PDE8B: variants seen among roughly 807,000 people sequenced by gnomAD.
PDE8B encodes the protein phosphodiesterase 8B, also known as high affinity cAMP-specific and IBMX-insensitive 3',5'-cyclic phosphodiesterase 8B.
PDE8B carries 26 observed loss-of-function variants against 101.3 expected under a neutral mutation model. The observed-to-expected ratio is 0.26, with a 90% CI of 0.19 to 0.36. PDE8B has a LOEUF of 0.36. PDE8B is among the 10% of genes least tolerant of loss of function. The pLI is 1.00. For missense variants in PDE8B, 810 were observed against 1,163.1 expected, an observed-to-expected ratio of 0.70 and a Z score of 4.42; for synonymous variants, 424 against 429.3, an observed-to-expected ratio of 0.99 and a Z score of 0.15.
rs565062784 is a variant in PDE8B, at chr5:77,427,465, G to A, written c.*911G>A. ...TTTTATTAAAATCCAAATTTTCTGG[G>A]TGTAAGCCCATGCAGTATGTTGTGC... On this transcript the variant is annotated 3_prime_UTR_variant, in exon 22 of 22. Transcript: ENST00000264917. The A allele has an allele frequency of 6.6e-6, 1 of 152,168 alleles. No homozygotes were observed. Among genetic ancestry groups the A allele is most frequent in the South Asian group, 2.1e-4 (1 of 4,814 alleles). 9.4% of individuals were successfully genotyped at this position (152,168 alleles called of 1,614,324 possible). A position where few individuals can be genotyped will look rare whatever the true frequency, so the allele number is the denominator to read the frequency against.
chr5:77,113,469 A>G, the PDE8B span: 1 of 152,254 alleles, frequency 6.6e-6, no homozygotes, highest in Admixed American at 6.5e-5. Flanking sequence ...TTATGTAGAA[A>G]GGTGAAACTG....
At chr5:77,317,602 G>A (rs1345230639) in intron 2 of PDE8B, among the ~76,000 whole-genome samples, 2 of 152,174 alleles carry the variant, frequency 1.3e-5, no homozygotes, top group Non-Finnish European at 2.9e-5. Context: ...TTCCAATCTT[G>A]GCTAGAAAAT....
At chr5:77,259,566 C>T (rs72766932) in intron 1 of PDE8B, among the ~76,000 whole-genome samples, 1,609 of 152,314 alleles carry the variant, frequency 0.011, 14 homozygotes, top group Non-Finnish European at 0.014. Context: ...TGGGTAAGTT[C>T]CCTTGCTACT....
At chr5:77,148,427 ATGTT>A in the PDE8B span, 1 of 152,200 alleles carries the variant, frequency 6.6e-6, no homozygotes, top group Admixed American at 6.5e-5. Flanking sequence ...TGGTAAATGT[ATGTT>A]TAACTTTTAA....
rs748090729 is a variant in PDE8B, at chr5:77,412,245, T to C, written c.1712+10T>C. 1.2e-6 allele frequency: 2 copies of C among 1,613,986 alleles called. No homozygotes were observed. Among genetic ancestry groups the C allele is most frequent in the South Asian group, 1.1e-5 (1 of 91,080 alleles). On this transcript the variant is annotated intron_variant, in intron 16 of 21. Transcript: ENST00000264917. ...CCATTACGCATAAAAGGTATGTGAC[T>C]TCTCTGGCTGAAGGCAGAGCAGGAT...
At chr5:77,333,830 A>C (rs773774555) in intron 5 of PDE8B, among the ~76,000 whole-genome samples, 2 of 152,230 alleles carry the variant, frequency 1.3e-5, no homozygotes, top group African/African-American at 4.8e-5. Context: ...ATTTGCCACT[A>C]TCCAGACATG....
At chr5:77,217,280 C>T (rs1749980648) in intron 1 of PDE8B, among the ~76,000 whole-genome samples, 1 of 151,860 alleles carries the variant, frequency 6.6e-6, no homozygotes, top group Non-Finnish European at 1.5e-5. Context: ...GACTCAGGAC[C>T]CTGTCTTATC....
chr5:77,419,694 G>C, intron 18 of PDE8B, 73 bp from the exon 19 acceptor site: 1 of 1,574,274 alleles, frequency 6.4e-7, no homozygotes, highest in Non-Finnish European at 8.7e-7. Flanking sequence ...GAGGAGTGTA[G>C]TGAAATGGTG....
the PDE8B span, among the ~76,000 whole-genome samples, chr5:77,155,606 C>T: frequency 1.2e-3 from 177 of 152,264 alleles, no homozygotes; most frequent in African/African-American, 4.1e-3. Context: ...GGTATGAATT[C>T]GTGTGAAGCG....
chr5:77,331,555 A>G (rs1777132649), intron 5 of PDE8B, 96 bp downstream of exon 5: 18 of 953,728 alleles, frequency 1.9e-5, no homozygotes, highest in Non-Finnish European at 3.1e-5. Context: ...GAGAACTGTT[A>G]AGGAAATTAA....
At chr5:77,364,282 C>T (rs948496601) in intron 10 of PDE8B, among the ~76,000 whole-genome samples, 3 of 152,318 alleles carry the variant, frequency 2.0e-5, no homozygotes, top group Middle Eastern at 3.4e-3. Context: ...GCCAACTGCA[C>T]CTAAAACCCA....
intron 1 of PDE8B, chr5:77,291,600 C>T: frequency 6.3e-7 from 1 of 1,597,882 alleles, no homozygotes; most frequent in Non-Finnish European, 8.6e-7. Context: ...CTGGCTTGGA[C>T]CTAAAGGATC....
chr5:77,266,938 A>G (rs1444636698), intron 1 of PDE8B, among the ~76,000 whole-genome samples: 1 of 151,930 alleles, frequency 6.6e-6, no homozygotes, highest in Non-Finnish European at 1.5e-5. Context: ...GCTTTTGAAA[A>G]CTTGTCAGAT....
chr5:77,359,064 A>G (rs970633691), intron 10 of PDE8B, among the ~76,000 whole-genome samples: 2 of 152,128 alleles, frequency 1.3e-5, no homozygotes, highest in Admixed American at 1.3e-4. Flanking sequence ...GCAGACATGA[A>G]TGGAATACCT....
intron 18 of PDE8B, among the ~76,000 whole-genome samples, chr5:77,418,708 C>G (rs1312119057): frequency 6.6e-6 from 1 of 152,180 alleles, no homozygotes; most frequent in African/African-American, 2.4e-5. Flanking sequence ...ACTAAGTACA[C>G]CAGATATTTT....
chr5:77,133,020 C>A, the PDE8B span, among the ~76,000 whole-genome samples: 2 of 152,174 alleles, frequency 1.3e-5, no homozygotes, highest in African/African-American at 4.8e-5. Context: ...TCCTTTGTAT[C>A]TGATGACTTT....
intron 2 of PDE8B, among the ~76,000 whole-genome samples, chr5:77,319,324 T>C (rs1489324658): frequency 6.6e-6 from 1 of 152,234 alleles, no homozygotes; most frequent in Admixed American, 6.5e-5. Flanking sequence ...AACTTATCGC[T>C]TTTTTTAACC....
intron 5 of PDE8B, among the ~76,000 whole-genome samples, chr5:77,334,360 T>C (rs1777712832): frequency 6.6e-6 from 1 of 152,246 alleles, no homozygotes; most frequent in South Asian, 2.1e-4. Context: ...CAGCCGACTA[T>C]ATAGATGCTA....
chr5:77,378,642 A>G (rs919028329), intron 10 of PDE8B, among the ~76,000 whole-genome samples: 4 of 152,144 alleles, frequency 2.6e-5, no homozygotes, highest in Non-Finnish European at 4.4e-5. Flanking sequence ...AGTTCTAACA[A>G]GCTTCAGGTG....
Sources: gnomAD v4.1 joint callset for allele counts (sites outside exome capture counted in the v4.1 genomes callset) on GRCh38, gnomAD v4.1.1 for gene constraint, MANE v1.5 for transcripts, NCBI Gene and HGNC (gene_info 2026-07-23, HGNC 2026-07-21) for gene names.